LURAP1L: variants seen among roughly 807,000 people sequenced by gnomAD.
LURAP1L encodes leucine rich adaptor protein 1-like.
In LURAP1L, 12 loss-of-function variants were observed where a neutral mutation model predicts 13.8. The ratio of observed to expected loss-of-function variants is 0.87; its 90% CI spans 0.56 to 1.41. The LOEUF (loss-of-function observed/expected upper bound fraction) is 1.41, where lower values mean the gene tolerates loss of function less well. Among genes scored for constraint, LURAP1L ranks in the 40% most tolerant of loss-of-function variants. The pLI is 0.00. For synonymous variants in LURAP1L, 139 were observed against 119.2 expected, an observed-to-expected ratio of 1.17 and a Z score of -1.08; for missense variants, 375 against 292.9, an observed-to-expected ratio of 1.28 and a Z score of -2.04.
At position 12,804,055 on chromosome 9, in the gene LURAP1L, T is replaced by C. The variant is rs76451243; in HGVS notation, c.313-17331T>C. On this transcript the variant is annotated intron_variant, in intron 1 of 1. Coordinates refer to ENST00000319264, the MANE Select transcript of LURAP1L (RefSeq NM_203403.2). ...TTCACACTGAAAAGACAAAGTTTAT[T>C]TAATCATATTTGCATTAAATTATGT... is the stretch of plus-strand genomic sequence containing the variant. Among the ~76,000 whole-genome samples the C allele has an allele frequency of 8.0e-3, 1,225 of 152,320 alleles. 9 individuals carry two copies. Among genetic ancestry groups the C allele is most frequent in the Non-Finnish European group, 0.013 (901 of 68,028 alleles).
intron 1 of LURAP1L, among the ~76,000 whole-genome samples, chr9:12,807,710 T>C (rs535174768): frequency 6.6e-6 from 1 of 152,310 alleles, no homozygotes; most frequent in African/African-American, 2.4e-5. Context: ...AGCGATCATA[T>C]TTGTACATAT....
At chr9:12,795,815 G>A (rs1348774938) in intron 1 of LURAP1L, among the ~76,000 whole-genome samples, 1 of 151,914 alleles carries the variant, frequency 6.6e-6, no homozygotes, top group African/African-American at 2.4e-5. Context: ...TATATCATGG[G>A]ATCATTAAGG....
chr9:12,793,430 C>A (rs192308573), intron 1 of LURAP1L, among the ~76,000 whole-genome samples: 1 of 151,944 alleles, frequency 6.6e-6, no homozygotes, highest in African/African-American at 2.4e-5. Context: ...AGAATTAGAC[C>A]GATGCATGTC....
chr9:12,820,499 T>TCCCCCCCCCC (rs747476601), intron 1 of LURAP1L, among the ~76,000 whole-genome samples: 1 of 14,696 alleles, frequency 6.8e-5, no homozygotes, highest in Non-Finnish European at 1.8e-4. Flanking sequence ...CGAGACTCCG[T>TCCCCCCCCCC]CCCCCCCCCC....
chr9:12,792,779 G>A (rs1323696749), intron 1 of LURAP1L, among the ~76,000 whole-genome samples: 4 of 151,912 alleles, frequency 2.6e-5, no homozygotes, highest in Non-Finnish European at 4.4e-5. Flanking sequence ...GCTATGATTC[G>A]TGTTTTTCAG....
At chr9:12,802,921 C>G (rs943792133) in intron 1 of LURAP1L, among the ~76,000 whole-genome samples, 1 of 152,196 alleles carries the variant, frequency 6.6e-6, no homozygotes, top group Non-Finnish European at 1.5e-5. Context: ...TTCTCTCATT[C>G]CAGATTCAAA....
chr9:12,802,765 G>C (rs1301818785), intron 1 of LURAP1L, among the ~76,000 whole-genome samples: 1 of 152,042 alleles, frequency 6.6e-6, no homozygotes, highest in Non-Finnish European at 1.5e-5. Flanking sequence ...GCATCTCTCG[G>C]GGTTATCTTT....
intron 1 of LURAP1L, among the ~76,000 whole-genome samples, chr9:12,814,996 T>C (rs1237889159): frequency 6.6e-6 from 1 of 152,186 alleles, no homozygotes; most frequent in Non-Finnish European, 1.5e-5. Flanking sequence ...GCACTGACTT[T>C]TGCATAATTG....
chr9:12,805,356 A>C (rs1334399870), intron 1 of LURAP1L, among the ~76,000 whole-genome samples: 1 of 152,162 alleles, frequency 6.6e-6, no homozygotes, highest in African/African-American at 2.4e-5. Context: ...TCCTAGAAGA[A>C]AAGACTTCAT....
At chr9:12,819,988 A>C (rs1819851915) in intron 1 of LURAP1L, among the ~76,000 whole-genome samples, 1 of 152,106 alleles carries the variant, frequency 6.6e-6, no homozygotes, top group Non-Finnish European at 1.5e-5. Flanking sequence ...AGAGAATGTG[A>C]CTAGGACCTC....
intron 1 of LURAP1L, among the ~76,000 whole-genome samples, chr9:12,784,521 T>A (rs1819322454): frequency 6.6e-6 from 1 of 152,166 alleles, no homozygotes; most frequent in Non-Finnish European, 1.5e-5. Context: ...GAGACTCTTG[T>A]TCTCTTACTT....
intron 1 of LURAP1L, among the ~76,000 whole-genome samples, chr9:12,776,594 A>G (rs896669452): frequency 7.9e-5 from 12 of 151,864 alleles, no homozygotes; most frequent in African/African-American, 2.7e-4. Flanking sequence ...GCCACTGTCG[A>G]GCAGATTCTC....
At chr9:12,798,048 G>A (rs914355534) in intron 1 of LURAP1L, among the ~76,000 whole-genome samples, 10 of 151,934 alleles carry the variant, frequency 6.6e-5, no homozygotes, top group African/African-American at 2.4e-4. Flanking sequence ...GTGTTTTATG[G>A]GTATTGAATC....
At chr9:12,796,898 T>C (rs1248467778) in intron 1 of LURAP1L, among the ~76,000 whole-genome samples, 2 of 151,608 alleles carry the variant, frequency 1.3e-5, no homozygotes, top group Admixed American at 6.6e-5. Flanking sequence ...AAGATAATCA[T>C]TTCTACCATT....
intron 1 of LURAP1L, among the ~76,000 whole-genome samples, chr9:12,811,552 C>A (rs1283288083): frequency 6.6e-6 from 1 of 152,132 alleles, no homozygotes; most frequent in Non-Finnish European, 1.5e-5. Context: ...TTTTTGTTAA[C>A]AAGTATTTAA....
intron 1 of LURAP1L, among the ~76,000 whole-genome samples, chr9:12,806,382 C>CTT (rs765510542): frequency 1.4e-5 from 2 of 147,232 alleles, no homozygotes; most frequent in African/African-American, 2.5e-5. Flanking sequence ...TTGAGATTAT[C>CTT]TTTTTTTTTT....
chr9:12,805,905 T>C (rs1379220090), intron 1 of LURAP1L, among the ~76,000 whole-genome samples: 2 of 152,002 alleles, frequency 1.3e-5, no homozygotes, highest in Non-Finnish European at 2.9e-5. Flanking sequence ...GTTAAACAAA[T>C]GTGGAACTTC....
intron 1 of LURAP1L, among the ~76,000 whole-genome samples, chr9:12,806,000 T>C (rs779489655): frequency 1.3e-5 from 2 of 152,176 alleles, no homozygotes; most frequent in African/African-American, 2.4e-5. Flanking sequence ...AATCTGACAG[T>C]CCGAAAGGGA....
chr9:12,781,002 G>A (rs185397053), intron 1 of LURAP1L, among the ~76,000 whole-genome samples: 2 of 151,902 alleles, frequency 1.3e-5, no homozygotes, highest in Middle Eastern at 3.4e-3. Context: ...ATGGAGTTTC[G>A]CTCTTGTTGC....
Sources: allele counts gnomAD v4.1 joint callset (sites outside exome capture counted in the v4.1 genomes callset), GRCh38; gene constraint gnomAD v4.1.1; transcripts MANE v1.5; gene names NCBI Gene and HGNC (gene_info 2026-07-23, HGNC 2026-07-21).